The following NMBR variants were observed in gnomAD, a reference collection of about 807,000 sequenced individuals.
NMBR encodes neuromedin B receptor, also known as neuromedin-B receptor.
NMBR carries 16 observed loss-of-function variants against 20.5 expected under a neutral mutation model. The observed-to-expected ratio is 0.78, with a 90% CI of 0.53 to 1.19. The LOEUF (loss-of-function observed/expected upper bound fraction) is 1.19. Among genes scored for constraint, NMBR ranks in the 50% most tolerant of loss-of-function variants. The probability of loss-of-function intolerance (pLI) is 0.00; values close to 1 mark genes in which losing one functional copy is unlikely to be tolerated. For missense variants in NMBR, 582 were observed against 499.1 expected (o/e 1.17, Z -1.58); for synonymous variants, 212 against 196.6 (o/e 1.08, Z -0.65).
chr6:142,111,204 C>G (rs1777757125), intron 1 of NMBR, among the ~76,000 whole-genome samples: 1 of 151,554 alleles, frequency 6.6e-6, no homozygotes, highest in Non-Finnish European at 1.5e-5. Context: ...CGTGCCACTG[C>G]ACTCCTGCCT....
chr6:142,125,510 T>TGTGCATGCATATACACATATACATGTGC (rs1330890414), intron 1 of NMBR, among the ~76,000 whole-genome samples: 3 of 150,986 alleles, frequency 2.0e-5, no homozygotes, highest in Non-Finnish European at 3.0e-5. Flanking sequence ...CACATATACA[T>TGTGCATGCATATACACATATACATGTGC]ACATACACAA....
chr6:142,138,532 TAAA>T lies in NMBR; in HGVS notation c.-664+8509_-664+8511del, dbSNP rs376794570. 1.7e-4 allele frequency among the ~76,000 whole-genome samples: 26 copies of T among 152,294 alleles called. No homozygotes were observed. In the South Asian group the frequency reaches 5.4e-3, roughly 32 times the overall value. Reference sequence around the variant, plus strand: ...GGCATGCCAACAGGGTGGGGACTGGTAAAAATTGTCCACTCTACAAATAAAGGA... The same window carrying T: ...GGCATGCCAACAGGGTGGGGACTGGTAATTGTCCACTCTACAAATAAAGGA... On this transcript the variant is annotated intron_variant, in intron 1 of 3. Coordinates refer to ENST00000258042, the MANE Select transcript of NMBR (RefSeq NM_002511.4).
intron 1 of NMBR, among the ~76,000 whole-genome samples, chr6:142,095,809 A>G (rs28880286): frequency 0.03 from 4,616 of 152,110 alleles, 209 homozygotes; most frequent in African/African-American, 0.11. Context: ...GTAAGCTATT[A>G]ATTATTGCCT....
At chr6:142,141,215 A>G (rs1778356508) in intron 1 of NMBR, among the ~76,000 whole-genome samples, 1 of 152,200 alleles carries the variant, frequency 6.6e-6, no homozygotes, top group Non-Finnish European at 1.5e-5. Flanking sequence ...CATACAGACT[A>G]TAGTCTCTGG....
At chr6:142,078,050 T>C (rs1225450944) in intron 3 of NMBR, among the ~76,000 whole-genome samples, 1 of 152,124 alleles carries the variant, frequency 6.6e-6, no homozygotes, top group Non-Finnish European at 1.5e-5. Context: ...CACCTTTGGG[T>C]TCCTTTTCTG....
In NMBR at chr6:142,075,033, C is replaced by T. The variant is rs1776901031; in HGVS notation, c.*615G>A. Among the ~76,000 whole-genome samples, 1 of 151,632 alleles carries T rather than the reference C, an allele frequency of 6.6e-6. No homozygotes were observed. Among genetic ancestry groups the T allele is most frequent in the African/African-American group, 2.4e-5 (1 of 41,254 alleles). On this transcript the variant is annotated 3_prime_UTR_variant, in exon 4 of 4. Coordinates refer to ENST00000258042, the MANE Select transcript of NMBR (RefSeq NM_002511.4). ...AATAAATACCAATTTGATTAAGCTC[C>T]ACCTTTGAATTTTTTCTTATTTTCT...
intron 1 of NMBR, among the ~76,000 whole-genome samples, chr6:142,097,793 G>A (rs1051817729): frequency 2.6e-5 from 4 of 152,020 alleles, no homozygotes; most frequent in African/African-American, 7.2e-5. Context: ...CATGAAAAAT[G>A]TTAACAAGGC....
chr6:142,142,324 T>C (rs1027179282), intron 1 of NMBR, among the ~76,000 whole-genome samples: 5 of 152,194 alleles, frequency 3.3e-5, no homozygotes, highest in Non-Finnish European at 7.4e-5. Flanking sequence ...TGCCATTTCA[T>C]GTAAGGAGGC....
intron 1 of NMBR, among the ~76,000 whole-genome samples, chr6:142,130,805 G>A (rs1206674639): frequency 1.3e-5 from 2 of 152,024 alleles, no homozygotes; most frequent in African/African-American, 2.4e-5. Context: ...AGAACACAGA[G>A]AATGGAGCTA....
intron 1 of NMBR, among the ~76,000 whole-genome samples, chr6:142,129,827 T>C (rs1360503536): frequency 1.3e-5 from 2 of 152,158 alleles, no homozygotes; most frequent in Non-Finnish European, 2.9e-5. Context: ...ATAATCCACA[T>C]ACAACAATCA....
At chr6:142,124,092 G>T (rs1003144437) in intron 1 of NMBR, among the ~76,000 whole-genome samples, 4 of 151,952 alleles carry the variant, frequency 2.6e-5, no homozygotes, top group Admixed American at 2.6e-4. Flanking sequence ...CCTGAAGACA[G>T]AAAGGGGACA....
chr6:142,088,222 T>G lies in NMBR; in HGVS notation c.422+15A>C. 1 of 1,604,262 alleles carries G rather than the reference T, an allele frequency of 6.2e-7. No homozygotes were observed. Among genetic ancestry groups the G allele is most frequent in the Non-Finnish European group, 8.5e-7 (1 of 1,177,594 alleles). On this transcript the variant is annotated intron_variant, in intron 2 of 3. Transcript: ENST00000258042. The stretch of plus-strand genomic sequence containing the variant: ...ACGACTTTTCCAAGCCACTCACAGC[T>G]ACCTGTGCTCTTACCTGTCGGCGCT...
At chr6:142,125,521 T>TACATGTGCATTCATATACACATA (rs1554215499) in intron 1 of NMBR, among the ~76,000 whole-genome samples, 3 of 70,500 alleles carry the variant, frequency 4.3e-5, no homozygotes, top group Non-Finnish European at 7.3e-5. Flanking sequence ...ACATACACAA[T>TACATGTGCATTCATATACACATA]TACTCATGCT....
intron 1 of NMBR, among the ~76,000 whole-genome samples, 93 bp downstream of exon 1, chr6:142,146,951 T>G (rs896351638): frequency 6.6e-6 from 1 of 152,240 alleles, no homozygotes; most frequent in African/African-American, 2.4e-5. Context: ...TCAACATACA[T>G]TATTTTCTTG....
At chr6:142,119,123 C>T (rs1288851968) in intron 1 of NMBR, among the ~76,000 whole-genome samples, 1 of 151,976 alleles carries the variant, frequency 6.6e-6, no homozygotes, top group Non-Finnish European at 1.5e-5. Flanking sequence ...ACCACATCAG[C>T]CAGTTACTGG....
Position 142,088,490 on chromosome 6 carries a change from C to T in NMBR, c.169G>A (p.Gly57Ser). ...PSLYLLIITV[G>S]LLGNIMLVKI... ...ACCAGCATGATGTTGCCCAGCAAGC[C>T]CACGGTGATGATGAGCAGGTAGAGG... Residue 57 changes from glycine (G) to serine (S), a missense_variant, in exon 2 of 4, where the codon GGC (glycine) becomes AGC (serine). Transcript: ENST00000258042. The T allele has an allele frequency of 6.2e-7, 1 of 1,613,972 alleles. No individual in the cohort carries two copies. The highest frequency in any genetic ancestry group is 8.5e-7 in the Non-Finnish European group (1 of 1,179,992).
At chr6:142,131,125 C>G (rs1778134176) in intron 1 of NMBR, among the ~76,000 whole-genome samples, 1 of 152,072 alleles carries the variant, frequency 6.6e-6, no homozygotes, top group African/African-American at 2.4e-5. Context: ...TCTCCAGATT[C>G]TAGATCAAGA....
chr6:142,138,644 TA>T (rs1013975828), intron 1 of NMBR, among the ~76,000 whole-genome samples: 32 of 152,294 alleles, frequency 2.1e-4, no homozygotes, highest in African/African-American at 7.5e-4. Flanking sequence ...TCCTTATTTT[TA>T]AATTCTCTAT....
intron 1 of NMBR, among the ~76,000 whole-genome samples, chr6:142,132,105 A>C (rs1778153360): frequency 6.6e-6 from 1 of 152,202 alleles, no homozygotes; most frequent in Non-Finnish European, 1.5e-5. Flanking sequence ...TTCAATGAGA[A>C]CACTGTCCCC....
Sources: allele counts gnomAD v4.1 joint callset (sites outside exome capture counted in the v4.1 genomes callset), GRCh38; gene constraint gnomAD v4.1.1; transcripts MANE v1.5; gene names NCBI Gene and HGNC (gene_info 2026-07-23, HGNC 2026-07-21).